The following ATP11A variants were observed in gnomAD, a reference collection of about 807,000 sequenced individuals.
ATP11A encodes ATPase phospholipid transporting 11A, also known as phospholipid-transporting ATPase IH.
A neutral mutation model predicts 154.4 loss-of-function variants in ATP11A; 81 were observed. The ratio of observed to expected loss-of-function variants is 0.52; its 90% CI spans 0.44 to 0.63. The LOEUF (loss-of-function observed/expected upper bound fraction) is 0.63. Ranked by LOEUF, ATP11A falls within the 30% of genes least tolerant of loss-of-function variation. The pLI, the probability that ATP11A is intolerant of heterozygous loss-of-function variation, is 0.00. For synonymous variants in ATP11A, 623 were observed against 585.9 expected (o/e 1.06, Z -0.91); for missense variants, 1,316 against 1,474.3 (o/e 0.89, Z 1.76).
At chr13:112,706,648 T>C (rs1200371232) in intron 1 of ATP11A, among the ~76,000 whole-genome samples, 1 of 152,222 alleles carries the variant, frequency 6.6e-6, no homozygotes, top group East Asian at 1.9e-4. Context: ...TCCTGTAAAA[T>C]TGTTGGTTCT....
rs759701327 is a variant in ATP11A, at chr13:112,826,685, C to T, written c.1024-9C>T. ...TGGAGGTGCTGACCCGCACCTTCTG[C>T]TCTTGCAGTTCCTCAAGGCATTCAC... On this transcript the variant is annotated splice_polypyrimidine_tract_variant and intron_variant, in intron 11 of 29. Transcript: ENST00000375645. The T allele has an allele frequency of 1.9e-6, 3 of 1,613,834 alleles. No individual in the cohort carries two copies. The highest frequency in any genetic ancestry group is 2.2e-5 in the South Asian group (2 of 91,068).
At chr13:112,868,715 A>G (rs999454461) in intron 25 of ATP11A, among the ~76,000 whole-genome samples, 3 of 152,212 alleles carry the variant, frequency 2.0e-5, no homozygotes, top group Non-Finnish European at 2.9e-5. Context: ...TTGTAGTAAT[A>G]AACTATCCGC....
chr13:112,814,711 C>T (rs1212253252), intron 5 of ATP11A, among the ~76,000 whole-genome samples: 3 of 152,154 alleles, frequency 2.0e-5, no homozygotes, highest in Admixed American at 6.5e-5. Flanking sequence ...TCCCATTGGT[C>T]TCCATGCCCA....
rs1428625199 is a variant in ATP11A at position 112,727,192 on chromosome 13, CA to C, written c.39+36738del. ...TCTCCCAAGTAGCTGGGATTACAGG[CA>C]TGTGCCACCATGCCTGGCTAATTTT... On this transcript the variant is annotated intron_variant, in intron 1 of 29. Transcript: ENST00000375645. Among the ~76,000 whole-genome samples the C allele has an allele frequency of 2.6e-5, 4 of 152,284 alleles. No individual in the cohort carries two copies. In the East Asian group the frequency reaches 7.7e-4, roughly 29 times the overall value.
chr13:112,786,792 C>A (rs1249037842), intron 2 of ATP11A, among the ~76,000 whole-genome samples: 3 of 152,258 alleles, frequency 2.0e-5, no homozygotes, highest in Non-Finnish European at 4.4e-5. Context: ...CACGTGTGCC[C>A]TCACCTGTAG....
chr13:112,727,031 CTG>C (rs1410642976), intron 1 of ATP11A, among the ~76,000 whole-genome samples: 7 of 152,296 alleles, frequency 4.6e-5, no homozygotes, highest in Middle Eastern at 3.4e-3. Context: ...AATAGTAAAT[CTG>C]AACGCTGCTG....
chr13:112,814,792 T>C (rs1262750626), intron 5 of ATP11A, among the ~76,000 whole-genome samples: 2 of 152,346 alleles, frequency 1.3e-5, no homozygotes, highest in South Asian at 2.1e-4. Context: ...TACGTATTCC[T>C]TCCCCCTCAA....
rs142602181 is a variant in ATP11A, at chr13:112,862,707, G to A, written c.2991+132G>A. On this transcript the variant is annotated intron_variant, in intron 25 of 29. Transcript: ENST00000375645. Reference sequence around the variant, plus strand: ...CCCAGCGGGGTCCATCACCACCTGCGCAGTAATTCAGTGCAGGCCACGCAG... The same window carrying A: ...CCCAGCGGGGTCCATCACCACCTGCACAGTAATTCAGTGCAGGCCACGCAG... The A allele has an allele frequency of 1.1e-3, 1,294 of 1,169,500 alleles. 8 individuals carry two copies. The African/African-American group carries it at 0.018, about 16-fold the overall frequency. The allele number at this position is 1,169,500 out of a possible 1,614,324, so 72.4% of individuals were successfully genotyped here. A position where few individuals can be genotyped will look rare whatever the true frequency, so the allele number is the denominator to read the frequency against.
chr13:112,707,979 G>A (rs962141129), intron 1 of ATP11A, among the ~76,000 whole-genome samples: 1 of 152,148 alleles, frequency 6.6e-6, no homozygotes, highest in Non-Finnish European at 1.5e-5. Flanking sequence ...AAACTACAAC[G>A]CCTGCAGCCG....
intron 1 of ATP11A, among the ~76,000 whole-genome samples, chr13:112,762,200 C>A (rs1210379251): frequency 6.6e-6 from 1 of 152,304 alleles, no homozygotes; most frequent in South Asian, 2.1e-4. Flanking sequence ...CCTCCTCTGC[C>A]CCAGCTCAGG....
At chr13:112,834,930 T>C (rs1455572331) in intron 15 of ATP11A, among the ~76,000 whole-genome samples, 2 of 152,240 alleles carry the variant, frequency 1.3e-5, no homozygotes, top group African/African-American at 2.4e-5. Context: ...AAAAGTTCAC[T>C]GTCAAATATG....
At chr13:112,794,816 C>T (rs956635445) in intron 2 of ATP11A, among the ~76,000 whole-genome samples, 3 of 151,674 alleles carry the variant, frequency 2.0e-5, no homozygotes, top group South Asian at 2.1e-4. Context: ...TGCAGTGAGC[C>T]GAGATTGTGC....
intron 1 of ATP11A, among the ~76,000 whole-genome samples, chr13:112,700,683 C>T (rs1361891824): frequency 6.6e-6 from 1 of 152,232 alleles, no homozygotes; most frequent in African/African-American, 2.4e-5. Context: ...TTATCCATAG[C>T]GTCCCCTTCA....
rs199737610 is a variant in ATP11A, at chr13:112,806,201, C to T, written c.253-12C>T. 3.7e-6 allele frequency: 6 copies of T among 1,606,484 alleles called. 1 individual carries two copies. The South Asian group carries it at 6.7e-5, about 18-fold the overall frequency. ...TTTTTGAAGATGATTTTACAATTCT[C>T]TCTTTCTGCAGTTGATTATTGATAC... On this transcript the variant is annotated splice_polypyrimidine_tract_variant and intron_variant, in intron 3 of 29. Coordinates refer to ENST00000375645, the MANE Select transcript of ATP11A (RefSeq NM_015205.3).
intron 4 of ATP11A, among the ~76,000 whole-genome samples, chr13:112,809,851 T>C (rs181078122): frequency 2.2e-3 from 340 of 152,298 alleles, no homozygotes; most frequent in African/African-American, 7.3e-3. Flanking sequence ...AGATGCCACC[T>C]GACTGTCCAA....
intron 1 of ATP11A, among the ~76,000 whole-genome samples, chr13:112,727,860 G>A (rs1000990302): frequency 6.6e-6 from 1 of 152,244 alleles, no homozygotes; most frequent in Admixed American, 6.5e-5. Flanking sequence ...GGCTCCAGGT[G>A]CATCTTGTTA....
chr13:112,767,872 C>A (rs1296169238), intron 1 of ATP11A, among the ~76,000 whole-genome samples: 12 of 152,030 alleles, frequency 7.9e-5, no homozygotes. Flanking sequence ...GCGTGCAGAC[C>A]CCTCGCAGCA....
chr13:112,853,453 A>G (rs555034985), intron 18 of ATP11A, among the ~76,000 whole-genome samples: 1 of 152,248 alleles, frequency 6.6e-6, no homozygotes, highest in Admixed American at 6.5e-5. Context: ...TTCCTTTCAT[A>G]CTTTCTAGAA....
intron 1 of ATP11A, among the ~76,000 whole-genome samples, chr13:112,752,224 T>G (rs1187096711): frequency 6.6e-6 from 1 of 152,210 alleles, no homozygotes; most frequent in Non-Finnish European, 1.5e-5. Context: ...GTCACAACAG[T>G]GACGGCGGCT....
Sources: allele counts gnomAD v4.1 joint callset (sites outside exome capture counted in the v4.1 genomes callset), GRCh38; gene constraint gnomAD v4.1.1; transcripts MANE v1.5; gene names NCBI Gene and HGNC (gene_info 2026-07-23, HGNC 2026-07-21).